The following CFAP299 variants were observed in gnomAD, a reference collection of about 807,000 sequenced individuals.
The protein encoded by CFAP299 is cilia- and flagella-associated protein 299.
In CFAP299, 21 loss-of-function variants were observed where a neutral mutation model predicts 27.0. The ratio of observed to expected loss-of-function variants is 0.78; its 90% CI spans 0.55 to 1.12. The LOEUF is 1.12. Among genes scored for constraint, CFAP299 ranks in the 50% most tolerant of loss-of-function variants. The pLI is 0.00. For missense variants in CFAP299, 310 were observed against 276.6 expected (o/e 1.12, Z -0.86); for synonymous variants, 104 against 98.1 (o/e 1.06, Z -0.36).
At chr4:80,701,216 T>A (rs1019950751) in intron 3 of CFAP299, among the ~76,000 whole-genome samples, 1 of 152,014 alleles carries the variant, frequency 6.6e-6, no homozygotes, top group Non-Finnish European at 1.5e-5. Flanking sequence ...GTTGAGGATA[T>A]GGTTTAAGAA....
intron 3 of CFAP299, among the ~76,000 whole-genome samples, chr4:80,678,124 T>C (rs1427245174): frequency 1.3e-5 from 2 of 152,084 alleles, no homozygotes. Flanking sequence ...GGGATATCTC[T>C]TCTATGAAAT....
chr4:80,441,600 C>T (rs143089108), intron 2 of CFAP299, among the ~76,000 whole-genome samples: 2,203 of 152,320 alleles, frequency 0.014, 42 homozygotes, highest in Admixed American at 0.059. Flanking sequence ...ACTGCAACAA[C>T]ATACCAAAAT....
chr4:80,484,359 C>T (rs930490329), intron 2 of CFAP299, among the ~76,000 whole-genome samples: 1 of 152,056 alleles, frequency 6.6e-6, no homozygotes, highest in Non-Finnish European at 1.5e-5. Context: ...CCCCATATAC[C>T]TGTATAACCT....
At chr4:80,447,916 C>G (rs148364324) in intron 2 of CFAP299, among the ~76,000 whole-genome samples, 1 of 152,288 alleles carries the variant, frequency 6.6e-6, no homozygotes, top group East Asian at 1.9e-4. Flanking sequence ...AATTATACCA[C>G]TGGCTTTTTG....
chr4:80,810,381 C>T (rs1002730540), intron 3 of CFAP299, among the ~76,000 whole-genome samples: 6 of 151,672 alleles, frequency 4.0e-5, no homozygotes, highest in African/African-American at 1.5e-4. Context: ...CACATACACA[C>T]CCCTCATGTC....
intron 3 of CFAP299, among the ~76,000 whole-genome samples, chr4:80,616,102 C>T (rs914929359): frequency 2.0e-5 from 3 of 152,108 alleles, no homozygotes; most frequent in Admixed American, 2.0e-4. Flanking sequence ...ACAAATATTA[C>T]ATTTAATTGT....
chr4:80,509,097 C>A (rs1487943346), intron 2 of CFAP299, among the ~76,000 whole-genome samples: 1 of 152,086 alleles, frequency 6.6e-6, no homozygotes, highest in Non-Finnish European at 1.5e-5. Flanking sequence ...AATGAAGGGG[C>A]AGAGAGAAGT....
Position 80,732,070 on chromosome 4 carries a change from GACACAC to G in CFAP299, c.334-137899_334-137894del, listed in dbSNP as rs76562370. Among the ~76,000 whole-genome samples, 939 of 110,506 alleles carry G rather than the reference GACACAC, an allele frequency of 8.5e-3. 10 individuals are homozygous for G. Among genetic ancestry groups the G allele is most frequent in the African/African-American group, 0.034 (883 of 25,790 alleles). 72.5% of individuals were successfully genotyped at this position (110,506 alleles called of 152,430 possible). A position where few individuals can be genotyped will look rare whatever the true frequency, so the allele number is the denominator to read the frequency against. On this transcript the variant is annotated intron_variant, in intron 3 of 5. Coordinates refer to ENST00000358105, the MANE Select transcript of CFAP299 (RefSeq NM_152770.3). Reference sequence around the variant, plus strand: ...TCATACACAGACACACAGACACACAGACACACACACACACACACACACACACACAGT... The same window carrying G: ...TCATACACAGACACACAGACACACAGACACACACACACACACACACACAGT...
intron 2 of CFAP299, among the ~76,000 whole-genome samples, chr4:80,363,904 C>A (rs1578357329): frequency 6.6e-6 from 1 of 152,024 alleles, no homozygotes; most frequent in Non-Finnish European, 1.5e-5. Context: ...CTGGCTAACA[C>A]AGCAAAACCC....
chr4:80,748,192 T>C (rs1724729581), intron 3 of CFAP299, among the ~76,000 whole-genome samples: 1 of 152,154 alleles, frequency 6.6e-6, no homozygotes. Context: ...TCCCTGTCAT[T>C]AAGTAACACA....
At position 80,858,927 on chromosome 4, in the gene CFAP299, C is replaced by A. The variant is rs868571461; in HGVS notation, c.334-11066C>A. Reference sequence around the variant, plus strand: ...GAGTTCTGTAGATGTCTATTAGGTCCGCTTGGTGCAGAGCTGAGTTCAATT... The same window carrying A: ...GAGTTCTGTAGATGTCTATTAGGTCAGCTTGGTGCAGAGCTGAGTTCAATT... On this transcript the variant is annotated intron_variant, in intron 3 of 5. Coordinates refer to ENST00000358105, the MANE Select transcript of CFAP299 (RefSeq NM_152770.3). 3.9e-5 allele frequency among the ~76,000 whole-genome samples: 6 copies of A among 151,974 alleles called. No individual in the cohort carries two copies. The East Asian group carries it at 7.8e-4, about 20-fold the overall frequency.
rs138194758 is a variant in CFAP299, at chr4:80,954,080, A to G, written c.606+9141A>G. On this transcript the variant is annotated intron_variant, in intron 5 of 5. Transcript: ENST00000358105. ...CAAATCAAGAAGTATGGAAGAGAGT[A>G]GAAGTTAATTTCCTGGCAAGATGGA... is the stretch of plus-strand genomic sequence containing the variant. 3.8e-4 allele frequency among the ~76,000 whole-genome samples: 58 copies of G among 152,320 alleles called. No individual in the cohort carries two copies. In the East Asian group the frequency reaches 0.011, roughly 29 times the overall value.
intron 4 of CFAP299, among the ~76,000 whole-genome samples, chr4:80,909,498 T>C (rs889070095): frequency 6.6e-6 from 1 of 152,010 alleles, no homozygotes; most frequent in Non-Finnish European, 1.5e-5. Context: ...TTTTAAACTA[T>C]AAATATGATA....
intron 3 of CFAP299, among the ~76,000 whole-genome samples, chr4:80,660,444 A>G (rs1170964467): frequency 1.3e-5 from 2 of 152,208 alleles, no homozygotes; most frequent in Non-Finnish European, 1.5e-5. Flanking sequence ...GATGACATTA[A>G]GGAAAGTATT....
intron 3 of CFAP299, among the ~76,000 whole-genome samples, chr4:80,707,623 T>C (rs1252705486): frequency 1.3e-5 from 2 of 152,030 alleles, no homozygotes; most frequent in Non-Finnish European, 2.9e-5. Context: ...ATTGTTTATC[T>C]TTAGGAAATG....
chr4:80,675,475 G>C (rs1325069434), intron 3 of CFAP299, among the ~76,000 whole-genome samples: 1 of 152,196 alleles, frequency 6.6e-6, no homozygotes, highest in Non-Finnish European at 1.5e-5. Context: ...GTGTCTCCCA[G>C]TTAGGTTACA....
intron 2 of CFAP299, among the ~76,000 whole-genome samples, chr4:80,486,031 G>A (rs991666782): frequency 6.6e-6 from 1 of 152,038 alleles, no homozygotes; most frequent in Non-Finnish European, 1.5e-5. Flanking sequence ...CTGGCCTCAA[G>A]TGATTCTCCC....
At chr4:80,645,563 A>C (rs2109963724) in intron 3 of CFAP299, among the ~76,000 whole-genome samples, 1 of 152,280 alleles carries the variant, frequency 6.6e-6, no homozygotes, top group Admixed American at 6.5e-5. Flanking sequence ...ATAAACACAC[A>C]CATATTTACC....
intron 2 of CFAP299, among the ~76,000 whole-genome samples, chr4:80,396,447 T>A (rs61325136): frequency 0.23 from 34,233 of 152,034 alleles, 3,982 homozygotes; most frequent in South Asian, 0.3. Context: ...TATTTACAAT[T>A]TTCAGTTACT....
Sources: allele counts gnomAD v4.1 joint callset (sites outside exome capture counted in the v4.1 genomes callset), GRCh38; gene constraint gnomAD v4.1.1; transcripts MANE v1.5; gene names NCBI Gene and HGNC (gene_info 2026-07-23, HGNC 2026-07-21).